COL19A1: variants seen among roughly 807,000 people sequenced by gnomAD.
The protein encoded by COL19A1 is collagen type XIX alpha 1 chain.
A neutral mutation model predicts 190.2 loss-of-function variants in COL19A1; 159 were observed. The ratio of observed to expected loss-of-function variants is 0.84; its 90% CI spans 0.73 to 0.95. COL19A1 has a LOEUF of 0.95. Ranked by LOEUF, COL19A1 falls within the 40% of genes least tolerant of loss-of-function variation. COL19A1 has a pLI of 0.00. For synonymous variants in COL19A1, 509 were observed against 458.9 expected, an observed-to-expected ratio of 1.11 and a Z score of -1.39; for missense variants, 1,418 against 1,431.9, an observed-to-expected ratio of 0.99 and a Z score of 0.16.
At chr6:69,952,004 C>T (rs1436775455) in intron 9 of COL19A1, among the ~76,000 whole-genome samples, 1 of 151,782 alleles carries the variant, frequency 6.6e-6, no homozygotes, top group Non-Finnish European at 1.5e-5. Flanking sequence ...GTTTGCCTGC[C>T]AGTTTAGTGA....
chr6:69,948,930 T>A (rs1773972663), intron 9 of COL19A1, among the ~76,000 whole-genome samples: 1 of 151,532 alleles, frequency 6.6e-6, no homozygotes, highest in Non-Finnish European at 1.5e-5. Flanking sequence ...ACTGAGAGAG[T>A]CTTGCAAAAT....
At chr6:70,073,500 T>C (rs760464749) in intron 15 of COL19A1, among the ~76,000 whole-genome samples, 2 of 152,178 alleles carry the variant, frequency 1.3e-5, no homozygotes, top group Non-Finnish European at 2.9e-5. Context: ...GTATACAGCT[T>C]CAGAATATTA....
chr6:70,026,956 G>A (rs1351574113), intron 12 of COL19A1, among the ~76,000 whole-genome samples: 4 of 152,112 alleles, frequency 2.6e-5, no homozygotes, highest in Non-Finnish European at 4.4e-5. Flanking sequence ...TAAAAAAACT[G>A]AGTCTGCAAA....
Position 70,063,500 on chromosome 6 carries a change from A to G in COL19A1, c.1171-4923A>G, listed in dbSNP as rs183677936. On this transcript the variant is annotated intron_variant, in intron 14 of 50. Coordinates refer to ENST00000620364, the MANE Select transcript of COL19A1 (RefSeq NM_001858.6). Reference sequence around the variant, plus strand: ...TAAAGCAGTGTGTAGAGGGAAATTTATAGCACTAAATGCCCACAAGAGAAA... The same window carrying G: ...TAAAGCAGTGTGTAGAGGGAAATTTGTAGCACTAAATGCCCACAAGAGAAA... Among the ~76,000 whole-genome samples the G allele has an allele frequency of 2.0e-5, 3 of 152,290 alleles. No individual in the cohort carries two copies. The East Asian group carries it at 5.8e-4, about 29-fold the overall frequency.
chr6:69,950,662 A>C (rs934396891), intron 9 of COL19A1, among the ~76,000 whole-genome samples: 78 of 143,676 alleles, frequency 5.4e-4, no homozygotes, highest in African/African-American at 2.0e-3. Context: ...GCATGAGATC[A>C]CATGAATGCA....
intron 44 of COL19A1, among the ~76,000 whole-genome samples, chr6:70,180,878 T>C (rs1766132317): frequency 6.6e-6 from 1 of 152,234 alleles, no homozygotes; most frequent in Admixed American, 6.5e-5. Context: ...TACCTGTATG[T>C]TAAACCAAAT....
At position 70,207,032 on chromosome 6, in the gene COL19A1, T is replaced by C. The variant is rs976490597; in HGVS notation, c.3301+54T>C. The stretch of plus-strand genomic sequence containing the variant: ...AGCAAGCCTTTACAAATTAGAACCA[T>C]GCTTCTCCCCTAGGGTCCTTATATG... On this transcript the variant is annotated intron_variant, in intron 50 of 50. Transcript: ENST00000620364. The C allele has an allele frequency of 1.9e-6, 3 of 1,606,896 alleles. No homozygotes were observed. In the African/African-American group the frequency reaches 4.0e-5, roughly 22 times the overall value.
chr6:70,050,326 T>A (rs981035414), intron 14 of COL19A1, among the ~76,000 whole-genome samples: 5 of 152,076 alleles, frequency 3.3e-5, no homozygotes, highest in African/African-American at 1.2e-4. Context: ...GACAAATGTT[T>A]ATAGAGAACT....
At chr6:70,084,753 A>G (rs566232394) in intron 15 of COL19A1, among the ~76,000 whole-genome samples, 4 of 152,140 alleles carry the variant, frequency 2.6e-5, no homozygotes, top group Non-Finnish European at 5.9e-5. Flanking sequence ...CAACCCACAG[A>G]CCTTACCTCT....
rs867930394 is a variant in COL19A1, at chr6:70,068,443, C to T, written c.1191C>T (p.Gly397=). 1 of 1,599,794 alleles carries T rather than the reference C, an allele frequency of 6.3e-7. No individual in the cohort carries two copies. The highest frequency in any genetic ancestry group is 2.2e-5 in the East Asian group (1 of 44,688). ...PALPGSLGIQ[G]PQGPPGKEGQ... Reference sequence around the variant, plus strand: ...CATAGGGTTCCCTGGGGATACAAGGCCCCCAAGGTCCACCTGGAAAAGAGG... The same window carrying T: ...CATAGGGTTCCCTGGGGATACAAGGTCCCCAAGGTCCACCTGGAAAAGAGG... The change falls in exon 15 of 51, where the codon GGC becomes GGT. Residue 397 remains glycine, a synonymous_variant. Coordinates refer to ENST00000620364, the MANE Select transcript of COL19A1 (RefSeq NM_001858.6).
rs751280279 is a variant in COL19A1, at chr6:70,034,236, T to C, written c.1081-9T>C. 1.9e-5 allele frequency: 31 copies of C among 1,602,548 alleles called. No homozygotes were observed. The East Asian group carries it at 6.5e-4, about 33-fold the overall frequency. ...TGTGAACTGTGTATTGGTTATATTC[T>C]TTCTACAGGGTTTGAAAGGTGACTT... On this transcript the variant is annotated splice_polypyrimidine_tract_variant and intron_variant, in intron 12 of 50. Transcript: ENST00000620364.
intron 12 of COL19A1, among the ~76,000 whole-genome samples, chr6:70,033,168 A>G (rs568101864): frequency 1.3e-5 from 2 of 152,170 alleles, no homozygotes; most frequent in African/African-American, 4.8e-5. Context: ...TTAAAGTATA[A>G]TACTACAATT....
intron 46 of COL19A1, among the ~76,000 whole-genome samples, chr6:70,185,254 T>C (rs1766436066): frequency 1.3e-5 from 2 of 152,210 alleles, no homozygotes; most frequent in Non-Finnish European, 2.9e-5. Flanking sequence ...ACCTCAGCAC[T>C]GTGATTATTC....
At chr6:70,201,278 A>G (rs551843373) in intron 49 of COL19A1, among the ~76,000 whole-genome samples, 208 of 152,306 alleles carry the variant, frequency 1.4e-3, no homozygotes, top group African/African-American at 4.8e-3. Flanking sequence ...GTTCCACTCA[A>G]ACACCTGGCT....
intron 18 of COL19A1, among the ~76,000 whole-genome samples, chr6:70,135,593 G>T (rs531598108): frequency 6.6e-6 from 1 of 152,104 alleles, no homozygotes; most frequent in Non-Finnish European, 1.5e-5. Flanking sequence ...ACTGTGCACC[G>T]AAGCCAATAA....
intron 11 of COL19A1, among the ~76,000 whole-genome samples, chr6:69,982,829 G>A (rs1040301140): frequency 2.0e-5 from 3 of 151,130 alleles, no homozygotes; most frequent in Non-Finnish European, 4.4e-5. Context: ...AAAATTAGCC[G>A]GGCTTGGTGG....
chr6:70,100,043 C>T (rs539697825), intron 15 of COL19A1, among the ~76,000 whole-genome samples: 15 of 152,246 alleles, frequency 9.9e-5, no homozygotes, highest in Non-Finnish European at 1.5e-4. Flanking sequence ...ATTAACTCTG[C>T]GATAAAAGTT....
intron 14 of COL19A1, among the ~76,000 whole-genome samples, chr6:70,051,316 GAAT>G (rs1310919661): frequency 6.6e-6 from 1 of 152,052 alleles, no homozygotes; most frequent in African/African-American, 2.4e-5. Flanking sequence ...TACCCAACTT[GAAT>G]AATAACAACT....
At chr6:70,166,537 C>T (rs1032577439) in intron 37 of COL19A1, among the ~76,000 whole-genome samples, 1 of 152,242 alleles carries the variant, frequency 6.6e-6, no homozygotes, top group Non-Finnish European at 1.5e-5. Context: ...GAGCCTCTCT[C>T]CGTGGCAAGT....
Sources: allele counts gnomAD v4.1 joint callset (sites outside exome capture counted in the v4.1 genomes callset), GRCh38; gene constraint gnomAD v4.1.1; transcripts MANE v1.5; gene names NCBI Gene and HGNC (gene_info 2026-07-23, HGNC 2026-07-21).